NCK2: variants seen among roughly 807,000 people sequenced by gnomAD.
NCK2 encodes NCK adaptor protein 2, also known as cytoplasmic protein NCK2.
NCK2 carries 16 observed loss-of-function variants against 33.9 expected under a neutral mutation model. The observed-to-expected ratio is 0.47, with a 90% CI of 0.32 to 0.72. The LOEUF (loss-of-function observed/expected upper bound fraction) is 0.72, where lower values mean the gene tolerates loss of function less well. NCK2 is among the 30% of genes least tolerant of loss of function. NCK2 has a pLI of 0.03. For missense variants in NCK2, 418 were observed against 537.3 expected, an observed-to-expected ratio of 0.78 and a Z score of 2.19; for synonymous variants, 273 against 239.9, an observed-to-expected ratio of 1.14 and a Z score of -1.27.
At chr2:105,823,904 G>A (rs894865115) in intron 2 of NCK2, among the ~76,000 whole-genome samples, 11 of 152,072 alleles carry the variant, frequency 7.2e-5, no homozygotes, top group Admixed American at 2.6e-4. Context: ...GCCTTGTTCC[G>A]TGACCTTCCC....
intron 2 of NCK2, among the ~76,000 whole-genome samples, chr2:105,841,307 T>C (rs1359200756): frequency 6.6e-6 from 1 of 152,180 alleles, no homozygotes; most frequent in Non-Finnish European, 1.5e-5. Context: ...TGGCTTATGT[T>C]TTTTCCCTCG....
intron 1 of NCK2, among the ~76,000 whole-genome samples, chr2:105,777,252 G>C (rs79342548): frequency 3.3e-5 from 5 of 152,022 alleles, no homozygotes; most frequent in South Asian, 4.2e-4. Flanking sequence ...GGGGTGTTGC[G>C]GGGGGGCAAC....
intron 2 of NCK2, among the ~76,000 whole-genome samples, chr2:105,845,761 T>C (rs1676832827): frequency 6.6e-6 from 1 of 151,824 alleles, no homozygotes; most frequent in African/African-American, 2.4e-5. Context: ...GAAAAAAAAA[T>C]AGGAAGGCCT....
chr2:105,889,835 C>T (rs1357275617), intron 4 of NCK2, among the ~76,000 whole-genome samples: 2 of 152,130 alleles, frequency 1.3e-5, no homozygotes, highest in African/African-American at 4.8e-5. Context: ...ATCCTGCCAC[C>T]ATGGCATCCC....
At position 105,765,786 on chromosome 2, in the gene NCK2, GGTGT is replaced by G. The variant is rs56917992; in HGVS notation, c.-201+20675_-201+20678del. On this transcript the variant is annotated intron_variant, in intron 1 of 4. Transcript: ENST00000233154. Reference sequence around the variant, plus strand: ...CCCACAGATACAGCTTAGAATAGGGGGTGTGTGTGTGTGTGTGTGTGTGTGTGTG... The same window carrying G: ...CCCACAGATACAGCTTAGAATAGGGGGTGTGTGTGTGTGTGTGTGTGTGTG... Among the ~76,000 whole-genome samples the G allele has an allele frequency of 7.2e-3, 1,066 of 147,320 alleles. 7 individuals carry two copies. Among genetic ancestry groups the G allele is most frequent in the Admixed American group, 9.8e-3 (146 of 14,886 alleles).
At chr2:105,766,911 G>A (rs4851850) in intron 1 of NCK2, among the ~76,000 whole-genome samples, 51,260 of 152,144 alleles carry the variant, frequency 0.34, 9,767 homozygotes, top group East Asian at 0.46. Flanking sequence ...TTCTGGCTCC[G>A]TCTTCCTGCT....
intron 1 of NCK2, among the ~76,000 whole-genome samples, chr2:105,787,855 A>G (rs1310971465): frequency 2.0e-5 from 3 of 152,232 alleles, no homozygotes; most frequent in Admixed American, 6.5e-5. Context: ...GGCTACATCC[A>G]TGTTATAAGA....
chr2:105,865,992 G>T (rs925229325), intron 3 of NCK2, among the ~76,000 whole-genome samples: 1 of 151,932 alleles, frequency 6.6e-6, no homozygotes, highest in Non-Finnish European at 1.5e-5. Context: ...TTGGCTCACC[G>T]CAACCTCCGC....
At chr2:105,768,843 G>T (rs1443358385) in intron 1 of NCK2, among the ~76,000 whole-genome samples, 1 of 152,142 alleles carries the variant, frequency 6.6e-6, no homozygotes, top group Non-Finnish European at 1.5e-5. Context: ...TGGGACGAGG[G>T]GTGGGAGTCC....
intron 3 of NCK2, among the ~76,000 whole-genome samples, chr2:105,879,274 G>A: frequency 6.6e-6 from 1 of 152,206 alleles, no homozygotes. Flanking sequence ...TCACGCCCCG[G>A]CTTGCTAGCT....
chr2:105,830,218 T>C (rs11690510), intron 2 of NCK2, among the ~76,000 whole-genome samples: 42,334 of 151,836 alleles, frequency 0.28, 6,751 homozygotes, highest in East Asian at 0.45. Flanking sequence ...CTTTTCCTAT[T>C]CCTCCCTCTC....
At chr2:105,824,840 C>A (rs1319873463) in intron 2 of NCK2, among the ~76,000 whole-genome samples, 2 of 152,158 alleles carry the variant, frequency 1.3e-5, no homozygotes, top group African/African-American at 2.4e-5. Context: ...GGTTGCCATG[C>A]CCCACAGAAT....
intron 2 of NCK2, among the ~76,000 whole-genome samples, chr2:105,851,020 T>A (rs1448825110): frequency 1.3e-5 from 2 of 152,194 alleles, no homozygotes; most frequent in Non-Finnish European, 2.9e-5. Context: ...AGCCAGCCTT[T>A]CCAACCTGTG....
chr2:105,835,391 A>ATATATATACATATATATATGTATG lies in NCK2; in HGVS notation c.-17+18786_-17+18787insCATATATATATGTATGTATATATA, dbSNP rs1558861840. 2.4e-4 allele frequency among the ~76,000 whole-genome samples: 9 copies of ATATATATACATATATATATGTATG among 38,098 alleles called. No homozygotes were observed. In the East Asian group the frequency reaches 5.8e-3, roughly 25 times the overall value. The allele number at this position is 38,098 out of a possible 152,430, so 25.0% of individuals were successfully genotyped here. On this transcript the variant is annotated intron_variant, in intron 2 of 4. Coordinates refer to ENST00000233154, the MANE Select transcript of NCK2 (RefSeq NM_003581.5). Reference sequence around the variant, plus strand: ...TATATATATACATATATATACACATATATATATATATATACGTGTATATAT... The same window carrying ATATATATACATATATATATGTATG: ...TATATATATACATATATATACACATATATATATACATATATATATGTATGTATATATATATATACGTGTATATAT...
chr2:105,778,801 C>A (rs958706141), intron 1 of NCK2, among the ~76,000 whole-genome samples: 1 of 152,238 alleles, frequency 6.6e-6, no homozygotes, highest in South Asian at 2.1e-4. Context: ...TAGCTCGCTG[C>A]AGCCTCAAAC....
At chr2:105,846,453 A>G (rs1676856902) in intron 2 of NCK2, 1 of 140,848 alleles carries the variant, frequency 7.1e-6, no homozygotes, top group Non-Finnish European at 1.5e-5. Flanking sequence ...GGCAGTAAAG[A>G]TAAATTAATG....
chr2:105,881,752 G>A lies in NCK2; in HGVS notation c.651G>A (p.Glu217=). The change falls in exon 4 of 5, where the codon GAG becomes GAA. Residue 217 remains glutamate (E), a synonymous_variant. Coordinates refer to ENST00000233154, the MANE Select transcript of NCK2 (RefSeq NM_003581.5). ...TCACCGAGGAGGAGCTCAACTTCGAGAAGGGGGAGACCATGGAGGTGATTG... is the reference window on the plus strand; with the variant it reads ...TCACCGAGGAGGAGCTCAACTTCGAAAAGGGGGAGACCATGGAGGTGATTG... ...SSVTEEELNF[E]KGETMEVIEK... is the part of the protein sequence containing the mutation. 3 of 1,614,254 alleles carry A rather than the reference G, an allele frequency of 1.9e-6. No individual in the cohort carries two copies. The highest frequency in any genetic ancestry group is 1.7e-6 in the Non-Finnish European group (2 of 1,180,040).
chr2:105,753,928 T>A (rs1689530613), intron 1 of NCK2, among the ~76,000 whole-genome samples: 2 of 152,196 alleles, frequency 1.3e-5, no homozygotes, highest in Non-Finnish European at 2.9e-5. Flanking sequence ...AGACTGCTGC[T>A]ACAGGTCCTG....
At chr2:105,854,972 A>G in intron 2 of NCK2, 76 bp from the exon 3 acceptor site, 1 of 1,141,494 alleles carries the variant, frequency 8.8e-7, no homozygotes, top group Non-Finnish European at 1.3e-6. Context: ...GTCAGTGCCT[A>G]ATTTTTCAAG....
Sources: allele counts gnomAD v4.1 joint callset (sites outside exome capture counted in the v4.1 genomes callset), GRCh38; gene constraint gnomAD v4.1.1; transcripts MANE v1.5; gene names NCBI Gene and HGNC (gene_info 2026-07-23, HGNC 2026-07-21).